The following COL26A1 variants were observed in gnomAD, a reference collection of about 807,000 sequenced individuals.
The protein encoded by COL26A1 is collagen type XXVI alpha 1 chain.
COL26A1 carries 41 observed loss-of-function variants against 59.3 expected under a neutral mutation model. The ratio of observed to expected loss-of-function variants is 0.69; its 90% CI spans 0.54 to 0.90. COL26A1 has a LOEUF of 0.90. Among genes scored for constraint, COL26A1 ranks in the 40% least tolerant of loss-of-function variants. The pLI is 0.00. For missense variants in COL26A1, 612 were observed against 602.3 expected, an observed-to-expected ratio of 1.02 and a Z score of -0.17; for synonymous variants, 266 against 256.0, an observed-to-expected ratio of 1.04 and a Z score of -0.37.
At chr7:101,377,602 T>C (rs1791349790) in intron 1 of COL26A1, among the ~76,000 whole-genome samples, 1 of 152,090 alleles carries the variant, frequency 6.6e-6, no homozygotes, top group Non-Finnish European at 1.5e-5. Context: ...CATTTTGGTA[T>C]TTTTTGTAAA....
intron 4 of COL26A1, among the ~76,000 whole-genome samples, chr7:101,539,028 T>C (rs2130651847): frequency 6.6e-6 from 1 of 152,302 alleles, no homozygotes; most frequent in South Asian, 2.1e-4. Flanking sequence ...TCACGGGGCC[T>C]CTGAGTCCTG....
intron 3 of COL26A1, among the ~76,000 whole-genome samples, chr7:101,530,532 TC>T (rs1038754315): frequency 7.5e-6 from 1 of 132,968 alleles, no homozygotes; most frequent in African/African-American, 3.0e-5. Context: ...ATCACTGTAC[TC>T]CAGCCTGGGT....
chr7:101,433,993 A>G (rs1792840890), intron 2 of COL26A1, among the ~76,000 whole-genome samples: 1 of 148,696 alleles, frequency 6.7e-6, no homozygotes, highest in Non-Finnish European at 1.5e-5. Flanking sequence ...TATCTGTAAT[A>G]CAACCATTTT....
At chr7:101,384,230 GTT>G (rs35085221) in intron 1 of COL26A1, among the ~76,000 whole-genome samples, 22 of 105,672 alleles carry the variant, frequency 2.1e-4, no homozygotes, top group South Asian at 3.2e-4. Flanking sequence ...GTTCAGGCTG[GTT>G]TTTTTTTTTT....
chr7:101,450,123 C>CA (rs59531271), intron 3 of COL26A1, among the ~76,000 whole-genome samples: 1,315 of 99,758 alleles, frequency 0.013, 25 homozygotes, highest in African/African-American at 0.029. Flanking sequence ...GACTCAGTCT[C>CA]AAAAAAAAAA....
chr7:101,529,416 C>T (rs1336121316), intron 3 of COL26A1, among the ~76,000 whole-genome samples: 2 of 151,980 alleles, frequency 1.3e-5, no homozygotes, highest in Admixed American at 6.6e-5. Context: ...TTTTAGGCAT[C>T]TGCCACCACA....
At position 101,556,033 on chromosome 7, in the gene COL26A1, C is replaced by G. The variant is rs542400918; in HGVS notation, c.1165+162C>G. On this transcript the variant is annotated intron_variant, in intron 12 of 12. Transcript: ENST00000313669. ...AAGGACCCTCAGTGGCTCCCTGCTGCCCTTGACAGACTTCCAAGTGCATCA... is the reference window on the plus strand; with the variant it reads ...AAGGACCCTCAGTGGCTCCCTGCTGGCCTTGACAGACTTCCAAGTGCATCA... Among the ~76,000 whole-genome samples, 15 of 152,300 alleles carry G rather than the reference C, an allele frequency of 9.8e-5. 1 individual carries two copies. The South Asian group carries it at 3.1e-3, about 32-fold the overall frequency.
intron 3 of COL26A1, among the ~76,000 whole-genome samples, chr7:101,501,868 T>C (rs1258831089): frequency 6.6e-6 from 1 of 152,106 alleles, no homozygotes; most frequent in Non-Finnish European, 1.5e-5. Context: ...TGTGCGTGTG[T>C]GTGCATGCAT....
rs760863332 is a variant in COL26A1, at chr7:101,547,194, G to A, written c.895G>A (p.Val299Met). The change falls in exon 8 of 13, where the codon GTG becomes ATG. Residue 299 changes from valine to methionine, a missense_variant. Physicochemically the swap from Val to Met is conservative, Grantham distance 21. Coordinates refer to ENST00000313669, the MANE Select transcript of COL26A1 (RefSeq NM_001278563.3). ...GCTGGCCTCTGCCATCGTGGACACA[G>A]TGCTGGCAGGTGTCCCAGGACCCCG... Reference protein sequence around the residue: ...SRLASAIVDTVLAGVPGPRGP... With the variant: ...SRLASAIVDTMLAGVPGPRGP... 158 of 1,596,978 alleles carry A rather than the reference G, an allele frequency of 9.9e-5. No homozygotes were observed. The highest frequency in any genetic ancestry group is 1.3e-4 in the Non-Finnish European group (154 of 1,173,518).
chr7:101,519,211 C>T (rs1795090258), intron 3 of COL26A1, among the ~76,000 whole-genome samples: 1 of 152,214 alleles, frequency 6.6e-6, no homozygotes, highest in African/African-American at 2.4e-5. Flanking sequence ...CACTAATGCT[C>T]ATGCACCTTT....
At chr7:101,415,790 T>C (rs1028319247) in intron 1 of COL26A1, among the ~76,000 whole-genome samples, 1 of 151,948 alleles carries the variant, frequency 6.6e-6, no homozygotes, top group African/African-American at 2.4e-5. Context: ...CCACCATGCC[T>C]GGCTAATTTT....
At chr7:101,367,671 G>GAAAAAAA (rs60293558) in intron 1 of COL26A1, among the ~76,000 whole-genome samples, 1 of 111,696 alleles carries the variant, frequency 9.0e-6, no homozygotes. Flanking sequence ...TCTCAAAAAA[G>GAAAAAAA]AAAAAAAAAA....
chr7:101,478,292 T>G (rs1396558143), intron 3 of COL26A1, among the ~76,000 whole-genome samples: 1 of 152,212 alleles, frequency 6.6e-6, no homozygotes, highest in African/African-American at 2.4e-5. Flanking sequence ...ATTGATATCT[T>G]TTAAGAAAAC....
intron 1 of COL26A1, among the ~76,000 whole-genome samples, chr7:101,368,873 A>G (rs1033587415): frequency 5.9e-4 from 89 of 151,250 alleles, no homozygotes; most frequent in Admixed American, 3.8e-3. Context: ...CCCCTTATTT[A>G]CTATTTGTAG....
At chr7:101,556,467 A>C (rs1247978072) in intron 12 of COL26A1, among the ~76,000 whole-genome samples, 2 of 151,740 alleles carry the variant, frequency 1.3e-5, no homozygotes, top group African/African-American at 4.8e-5. Context: ...GAATGTATGC[A>C]TGGGTGGATG....
chr7:101,507,249 T>C (rs924423426), intron 3 of COL26A1, among the ~76,000 whole-genome samples: 4 of 152,076 alleles, frequency 2.6e-5, no homozygotes, highest in African/African-American at 9.7e-5. Flanking sequence ...CCTTGCTCAG[T>C]GAAAAACACT....
At chr7:101,384,035 A>G (rs913537764) in intron 1 of COL26A1, among the ~76,000 whole-genome samples, 2 of 145,958 alleles carry the variant, frequency 1.4e-5, no homozygotes. Context: ...TTTATTTGAG[A>G]CAGGGTCTCA....
chr7:101,492,103 A>G (rs1794473052), intron 3 of COL26A1, among the ~76,000 whole-genome samples: 1 of 152,144 alleles, frequency 6.6e-6, no homozygotes, highest in Admixed American at 6.6e-5. Context: ...GGGCCAGAGG[A>G]AGCCGCTGGT....
At chr7:101,367,671 G>GAAA (rs60293558) in intron 1 of COL26A1, among the ~76,000 whole-genome samples, 1 of 111,696 alleles carries the variant, frequency 9.0e-6, no homozygotes, top group South Asian at 3.1e-4. Flanking sequence ...TCTCAAAAAA[G>GAAA]AAAAAAAAAA....
Sources: allele counts gnomAD v4.1 joint callset (sites outside exome capture counted in the v4.1 genomes callset), GRCh38; gene constraint gnomAD v4.1.1; transcripts MANE v1.5; gene names NCBI Gene and HGNC (gene_info 2026-07-23, HGNC 2026-07-21).